The following RCSD1 variants were observed in gnomAD, a reference collection of about 807,000 sequenced individuals.
The protein encoded by RCSD1 is RCSD domain containing 1.
A neutral mutation model predicts 42.5 loss-of-function variants in RCSD1; 26 were observed. The ratio of observed to expected loss-of-function variants is 0.61; its 90% CI spans 0.45 to 0.85. The LOEUF (loss-of-function observed/expected upper bound fraction) is 0.85, where lower values mean the gene tolerates loss of function less well. Ranked by LOEUF, RCSD1 falls within the 40% of genes least tolerant of loss-of-function variation. The pLI is 0.00. For missense variants in RCSD1, 571 were observed against 528.3 expected (o/e 1.08, Z -0.79); for synonymous variants, 220 against 212.2 (o/e 1.04, Z -0.32).
intron 1 of RCSD1, among the ~76,000 whole-genome samples, chr1:167,652,198 T>C (rs1658329840): frequency 6.6e-6 from 1 of 152,038 alleles, no homozygotes; most frequent in Non-Finnish European, 1.5e-5. Context: ...ATTTTTGTAT[T>C]TTTAGTAGAG....
intron 1 of RCSD1, among the ~76,000 whole-genome samples, chr1:167,678,794 C>T (rs768320870): frequency 1.3e-5 from 2 of 152,170 alleles, no homozygotes; most frequent in Admixed American, 6.5e-5. Context: ...CGCATCTTCC[C>T]GCCCCCTCTT....
intron 3 of RCSD1, 125 bp from the exon 4 acceptor site, chr1:167,689,924 T>C (rs1659334681): frequency 1.2e-6 from 1 of 844,594 alleles, no homozygotes; most frequent in Non-Finnish European, 2.0e-6. Flanking sequence ...TGTGGGCTAC[T>C]GAACTAATGA....
At chr1:167,637,709 A>G (rs1657894656) in intron 1 of RCSD1, among the ~76,000 whole-genome samples, 1 of 151,282 alleles carries the variant, frequency 6.6e-6, no homozygotes. Context: ...TCTCTGACAG[A>G]AAGAGGGCTC....
intron 1 of RCSD1, among the ~76,000 whole-genome samples, chr1:167,678,805 G>T (rs1482940952): frequency 1.3e-5 from 2 of 152,138 alleles, no homozygotes; most frequent in Non-Finnish European, 2.9e-5. Context: ...GCCCCCTCTT[G>T]TTGTCCCTGC....
intron 5 of RCSD1, among the ~76,000 whole-genome samples, chr1:167,694,850 T>A (rs536775494): frequency 1.3e-5 from 2 of 152,264 alleles, no homozygotes; most frequent in African/African-American, 2.4e-5. Flanking sequence ...TTTCTACAGA[T>A]GCAACCCTGA....
chr1:167,697,175 T>C lies in RCSD1; in HGVS notation c.551T>C (p.Leu184Pro), dbSNP rs760728101. 3.7e-6 allele frequency: 6 copies of C among 1,614,046 alleles called. No homozygotes were observed. The highest frequency in any genetic ancestry group is 8.5e-7 in the Non-Finnish European group (1 of 1,180,038). ...FRRSQSDCGE[L>P]GDFRAVESSQ... ...AGGTCACAGTCAGACTGTGGAGAAC[T>C]TGGAGATTTCAGGGCGGTGGAGTCA... The change falls in exon 6 of 7, where the codon CTT (leucine) becomes CCT (proline). Residue 184 changes from leucine (L) to proline (P), a missense_variant. Physicochemically the swap from Leu to Pro is moderately conservative, Grantham distance 98. Coordinates refer to ENST00000367854, the MANE Select transcript of RCSD1 (RefSeq NM_052862.4).
intron 4 of RCSD1, among the ~76,000 whole-genome samples, chr1:167,691,244 C>T (rs1485691313): frequency 6.6e-6 from 1 of 152,156 alleles, no homozygotes; most frequent in Non-Finnish European, 1.5e-5. Flanking sequence ...GTCAATGTCC[C>T]CTGGAGGCAA....
intron 1 of RCSD1, among the ~76,000 whole-genome samples, chr1:167,642,615 A>G (rs1399864897): frequency 1.3e-5 from 2 of 152,204 alleles, no homozygotes; most frequent in Non-Finnish European, 2.9e-5. Flanking sequence ...AGCCAATTCC[A>G]TGGAGCATGC....
chr1:167,651,849 G>C (rs923890298), intron 1 of RCSD1, among the ~76,000 whole-genome samples: 7 of 152,010 alleles, frequency 4.6e-5, no homozygotes, highest in African/African-American at 1.7e-4. Flanking sequence ...CTGTTCTTGA[G>C]GGGGGCTGCG....
chr1:167,705,361 G>C lies in RCSD1; in HGVS notation c.*665G>C, dbSNP rs1489057659. On this transcript the variant is annotated 3_prime_UTR_variant, in exon 7 of 7. Transcript: ENST00000367854. ...AAAAAAAAGTGCTCCATTCGCAGGA[G>C]CTTTTCCTGTCCTGTGGTTTTCCAG... is the stretch of plus-strand genomic sequence containing the variant. 1 of 152,092 alleles carries C rather than the reference G, an allele frequency of 6.6e-6. No individual in the cohort carries two copies. The highest frequency in any genetic ancestry group is 1.5e-5 in the Non-Finnish European group (1 of 68,026). 9.4% of individuals were successfully genotyped at this position (152,092 alleles called of 1,614,324 possible). A position where few individuals can be genotyped will look rare whatever the true frequency, so the allele number is the denominator to read the frequency against.
intron 5 of RCSD1, 89 bp from the exon 6 acceptor site, chr1:167,697,010 C>A: frequency 8.1e-7 from 1 of 1,231,892 alleles, no homozygotes; most frequent in Non-Finnish European, 1.1e-6. Flanking sequence ...TGAAGCAGTG[C>A]ACCAGACTGA....
chr1:167,688,670 T>A (rs951928804), intron 3 of RCSD1, among the ~76,000 whole-genome samples: 1 of 152,208 alleles, frequency 6.6e-6, no homozygotes, highest in Non-Finnish European at 1.5e-5. Context: ...TGTAAAAAGA[T>A]CACGAGGAGT....
chr1:167,679,156 A>C (rs74988376), intron 1 of RCSD1, among the ~76,000 whole-genome samples: 1 of 152,216 alleles, frequency 6.6e-6, no homozygotes, highest in Non-Finnish European at 1.5e-5. Context: ...GAGTTAGTAC[A>C]GCATGTTGGT....
chr1:167,637,832 C>T (rs1332805006), intron 1 of RCSD1, among the ~76,000 whole-genome samples: 1 of 152,136 alleles, frequency 6.6e-6, no homozygotes, highest in African/African-American at 2.4e-5. Context: ...GCCACACTTC[C>T]TGTACACTCC....
At chr1:167,641,718 CA>C (rs1658010373) in intron 1 of RCSD1, 1 of 152,114 alleles carries the variant, frequency 6.6e-6, no homozygotes, top group Non-Finnish European at 1.5e-5. Flanking sequence ...AACTCTGTCT[CA>C]AAAAAATAAG....
Position 167,657,780 on chromosome 1 carries a change from A to T in RCSD1, c.7-26120A>T, listed in dbSNP as rs145205632. ...TTAAAATTCTCATTTCAGCATTAAA[A>T]TTTTTTTTCTTTATTTGATGTTTTC... On this transcript the variant is annotated intron_variant, in intron 1 of 6. Transcript: ENST00000367854. Among the ~76,000 whole-genome samples the T allele has an allele frequency of 1.9e-3, 287 of 151,708 alleles. 2 individuals are homozygous for T. The East Asian group carries it at 0.029, about 15-fold the overall frequency.
intron 1 of RCSD1, among the ~76,000 whole-genome samples, chr1:167,670,357 G>GGAAAA (rs1658773383): frequency 7.6e-6 from 1 of 132,356 alleles, no homozygotes; most frequent in Non-Finnish European, 1.6e-5. Context: ...CTTTGCAAAA[G>GGAAAA]AAAAAAAAAA....
At chr1:167,669,336 T>C (rs1276486129) in intron 1 of RCSD1, among the ~76,000 whole-genome samples, 2 of 152,266 alleles carry the variant, frequency 1.3e-5, no homozygotes, top group Non-Finnish European at 2.9e-5. Flanking sequence ...ACCTTGATAA[T>C]GTGAGCCAAG....
chr1:167,672,263 A>G (rs1208719519), intron 1 of RCSD1, among the ~76,000 whole-genome samples: 1 of 152,104 alleles, frequency 6.6e-6, no homozygotes, highest in South Asian at 2.1e-4. Context: ...CTTCCCCACT[A>G]TGTTCTCAGA....
Sources: gnomAD v4.1 joint callset for allele counts (sites outside exome capture counted in the v4.1 genomes callset) on GRCh38, gnomAD v4.1.1 for gene constraint, MANE v1.5 for transcripts, NCBI Gene and HGNC (gene_info 2026-07-23, HGNC 2026-07-21) for gene names.